Variants in DEUP1 observed in about 807,000 individuals in gnomAD.
DEUP1 encodes the protein coiled-coil domain containing 67.
Under a neutral mutation model 87.4 loss-of-function variants are expected in DEUP1, and 82 were observed. The observed-to-expected ratio is 0.94, with a 90% CI of 0.78 to 1.13. DEUP1 has a LOEUF of 1.13. Among genes scored for constraint, DEUP1 ranks in the 50% most tolerant of loss-of-function variants. The pLI is 0.00. For missense variants in DEUP1, 663 were observed against 681.5 expected (o/e 0.97, Z 0.30); for synonymous variants, 214 against 222.7 (o/e 0.96, Z 0.35).
chr11:93,396,642 G>A (rs1946954795), intron 11 of DEUP1, among the ~76,000 whole-genome samples: 1 of 152,152 alleles, frequency 6.6e-6, no homozygotes, highest in Admixed American at 6.5e-5. Context: ...TGATTCAAGT[G>A]CCAATCTTCC....
chr11:93,360,098 G>A (rs1028474056), intron 4 of DEUP1, among the ~76,000 whole-genome samples: 3 of 152,116 alleles, frequency 2.0e-5, no homozygotes, highest in Admixed American at 1.3e-4. Context: ...CCCCACTATA[G>A]TATCACTGAA....
chr11:93,362,383 A>G (rs1045761548), intron 4 of DEUP1, among the ~76,000 whole-genome samples: 1 of 151,966 alleles, frequency 6.6e-6, no homozygotes, highest in African/African-American at 2.4e-5. Flanking sequence ...AGATGACCAA[A>G]TTTTAAAATG....
chr11:93,344,183 G>A (rs755675253), intron 2 of DEUP1, among the ~76,000 whole-genome samples: 3 of 151,990 alleles, frequency 2.0e-5, no homozygotes, highest in South Asian at 2.1e-4. Flanking sequence ...CATCACAGAC[G>A]TATCTATGAA....
intron 2 of DEUP1, among the ~76,000 whole-genome samples, chr11:93,348,994 C>T (rs984000129): frequency 4.6e-5 from 7 of 152,238 alleles, no homozygotes; most frequent in African/African-American, 1.7e-4. Context: ...GGATCCCAAA[C>T]ATAAGCTCAG....
intron 4 of DEUP1, among the ~76,000 whole-genome samples, chr11:93,363,727 T>C (rs1465547358): frequency 6.6e-6 from 1 of 151,976 alleles, no homozygotes; most frequent in Non-Finnish European, 1.5e-5. Context: ...ATGTTACTTA[T>C]GTCTTTTAAA....
intron 4 of DEUP1, among the ~76,000 whole-genome samples, chr11:93,359,527 A>C (rs1206889603): frequency 6.6e-6 from 1 of 152,130 alleles, no homozygotes; most frequent in Non-Finnish European, 1.5e-5. Context: ...GGACCTTGGG[A>C]CTCAAGAATG....
chr11:93,428,276 T>C (rs1445028151), intron 13 of DEUP1, among the ~76,000 whole-genome samples: 1 of 152,074 alleles, frequency 6.6e-6, no homozygotes, highest in African/African-American at 2.4e-5. Flanking sequence ...TAAAAAATGA[T>C]GAGTTCATGT....
intron 7 of DEUP1, among the ~76,000 whole-genome samples, chr11:93,380,362 A>G (rs957643432): frequency 6.6e-6 from 1 of 151,934 alleles, no homozygotes; most frequent in East Asian, 1.9e-4. Flanking sequence ...TTGATTGAGA[A>G]ATTTCATCCT....
At chr11:93,383,668 T>C (rs1946405812) in intron 7 of DEUP1, 2 of 636,130 alleles carry the variant, frequency 3.1e-6, no homozygotes, top group Non-Finnish European at 5.6e-6. Context: ...TGATTATATT[T>C]CAATGAATAT....
chr11:93,405,668 T>A (rs1276526669), intron 11 of DEUP1, among the ~76,000 whole-genome samples: 1 of 152,010 alleles, frequency 6.6e-6, no homozygotes, highest in African/African-American at 2.4e-5. Context: ...ATACCTAATA[T>A]GTATGTATTT....
chr11:93,362,453 A>T (rs1211587114), intron 4 of DEUP1, among the ~76,000 whole-genome samples: 1 of 151,960 alleles, frequency 6.6e-6, no homozygotes, highest in African/African-American at 2.4e-5. Flanking sequence ...ATAAGCACAT[A>T]AAAAATGCTT....
At chr11:93,361,156 A>G (rs977697645) in intron 4 of DEUP1, among the ~76,000 whole-genome samples, 3 of 152,144 alleles carry the variant, frequency 2.0e-5, no homozygotes, top group Non-Finnish European at 2.9e-5. Flanking sequence ...CAGAGCTTTC[A>G]ACCCAGAATT....
At chr11:93,364,417 A>G (rs1207224948) in intron 5 of DEUP1, 123 bp downstream of exon 5, 1 of 789,184 alleles carries the variant, frequency 1.3e-6, no homozygotes, top group African/African-American at 1.8e-5. Context: ...ATTACAAACT[A>G]ACTTCTCACT....
At chr11:93,376,201 G>C (rs774894457) in intron 7 of DEUP1, among the ~76,000 whole-genome samples, 14 of 152,218 alleles carry the variant, frequency 9.2e-5, no homozygotes, top group Non-Finnish European at 2.1e-4. Context: ...GCCTTGGCCT[G>C]CCAAAGCGCT....
intron 11 of DEUP1, among the ~76,000 whole-genome samples, chr11:93,399,536 G>A (rs1043202630): frequency 2.0e-5 from 3 of 151,316 alleles, no homozygotes; most frequent in Non-Finnish European, 4.4e-5. Flanking sequence ...ATTCCTAGGT[G>A]TTTTTTAAGG....
chr11:93,408,075 G>T (rs984135580), intron 11 of DEUP1, among the ~76,000 whole-genome samples, 156 bp from the exon 12 acceptor site: 1 of 151,990 alleles, frequency 6.6e-6, no homozygotes, highest in Non-Finnish European at 1.5e-5. Context: ...AGGAGGTGAG[G>T]GGGTGGAAAG....
chr11:93,353,200 T>C (rs2134205242), intron 2 of DEUP1, among the ~76,000 whole-genome samples: 1 of 152,314 alleles, frequency 6.6e-6, no homozygotes, highest in South Asian at 2.1e-4. Context: ...ACAGAGGGGT[T>C]ACAGGCCCCA....
chr11:93,342,114 C>A (rs1353697866), intron 2 of DEUP1, among the ~76,000 whole-genome samples: 2 of 152,014 alleles, frequency 1.3e-5, no homozygotes, highest in Non-Finnish European at 2.9e-5. Flanking sequence ...GATCTTTTTT[C>A]CAAATTAAGT....
chr11:93,414,946 T>TA, intron 12 of DEUP1, 54 bp from the exon 13 acceptor site: 3 of 1,003,156 alleles, frequency 3.0e-6, no homozygotes, highest in Non-Finnish European at 4.2e-6. Context: ...CTTAGCTACA[T>TA]AAATAAACAT....
Sources: allele counts gnomAD v4.1 joint callset (sites outside exome capture counted in the v4.1 genomes callset), GRCh38; gene constraint gnomAD v4.1.1; transcripts MANE v1.5; gene names NCBI Gene and HGNC (gene_info 2026-07-23, HGNC 2026-07-21).